The following ACLY variants were observed in gnomAD, a reference collection of about 807,000 sequenced individuals.
ACLY encodes the protein ATP-citrate synthase.
In ACLY, 41 loss-of-function variants were observed where a neutral mutation model predicts 133.0. The observed-to-expected ratio is 0.31, with a 90% CI of 0.24 to 0.40. The LOEUF is 0.40. ACLY is among the 10% of genes least tolerant of loss of function. ACLY has a pLI of 1.00. For synonymous variants in ACLY, 495 were observed against 549.3 expected (o/e 0.90, Z 1.38); for missense variants, 1,046 against 1,453.8 (o/e 0.72, Z 4.56).
chr17:41,868,880 G>C, intron 27 of ACLY, 95 bp from the exon 28 acceptor site: 1 of 1,409,776 alleles, frequency 7.1e-7, no homozygotes, highest in Non-Finnish European at 1.0e-6. Context: ...GAGAAGAAAA[G>C]GGGTGCTCTG....
At chr17:41,916,968 C>T (rs1235186880) in intron 1 of ACLY, among the ~76,000 whole-genome samples, 1 of 151,418 alleles carries the variant, frequency 6.6e-6, no homozygotes, top group African/African-American at 2.4e-5. Flanking sequence ...TATGGTGAAA[C>T]CCTGTTTCTA....
rs377627145 is a variant in ACLY, at chr17:41,872,797, G to A, written c.2643-615C>T. ...AACCCTGTCCCTTCACAGTGTAGGA[G>A]GCCCCATGCCTCATTCCTGTAGTAT... On this transcript the variant is annotated intron_variant, in intron 23 of 28. Coordinates refer to ENST00000352035, the MANE Select transcript of ACLY (RefSeq NM_001096.3). Among the ~76,000 whole-genome samples the A allele has an allele frequency of 2.6e-5, 4 of 152,290 alleles. No individual in the cohort carries two copies. In the East Asian group the frequency reaches 7.7e-4, roughly 29 times the overall value.
chr17:41,891,816 G>A (rs1420038378), intron 16 of ACLY, among the ~76,000 whole-genome samples: 2 of 152,106 alleles, frequency 1.3e-5, no homozygotes, highest in African/African-American at 2.4e-5. Flanking sequence ...TCCTGCCTCA[G>A]CTTCCTGAGT....
intron 27 of ACLY, 38 bp downstream of exon 27, chr17:41,869,005 A>C: frequency 6.4e-7 from 1 of 1,550,870 alleles, no homozygotes; most frequent in Non-Finnish European, 8.8e-7. Context: ...ACAAAAATCA[A>C]CAAACGTAAT....
intron 10 of ACLY, among the ~76,000 whole-genome samples, chr17:41,902,513 G>A (rs1431286506): frequency 1.3e-5 from 2 of 152,118 alleles, no homozygotes; most frequent in African/African-American, 2.4e-5. Flanking sequence ...CGCGCCCAGC[G>A]CGGTGTAAGA....
intron 3 of ACLY, 122 bp from the exon 4 acceptor site, chr17:41,910,406 ATTTTTCC>A: frequency 1.6e-5 from 13 of 796,556 alleles, no homozygotes; most frequent in Admixed American, 1.5e-4. Context: ...GCAAAGAGAG[ATTTTTCC>A]AGAAAAAATG....
intron 3 of ACLY, among the ~76,000 whole-genome samples, chr17:41,911,344 G>A (rs551328099): frequency 6.2e-4 from 95 of 152,264 alleles, no homozygotes; most frequent in African/African-American, 2.2e-3. Context: ...GGTGTGGATG[G>A]CACATTCTTC....
At position 41,871,955 on chromosome 17, in the gene ACLY, G is replaced by A. The variant is rs2048608969; in HGVS notation, c.2793+77C>T. On this transcript the variant is annotated intron_variant, in intron 24 of 28. Transcript: ENST00000352035. Reference sequence around the variant, plus strand: ...TTTTACACTCAGGGGCTCCTTCTAGGGCCCTGCTGTGGCAAAGCAGCATGA... The same window carrying A: ...TTTTACACTCAGGGGCTCCTTCTAGAGCCCTGCTGTGGCAAAGCAGCATGA... 2.5e-6 allele frequency: 4 copies of A among 1,597,680 alleles called. No individual in the cohort carries two copies. In the East Asian group the frequency reaches 6.7e-5, roughly 27 times the overall value.
chr17:41,918,966 C>G (rs1555634999), upstream of ACLY: 11 of 1,289,012 alleles, frequency 8.5e-6, no homozygotes, highest in African/African-American at 1.5e-5. Context: ...GGTAGCTTCC[C>G]GGGATCCGGC....
rs540291055 is a variant in ACLY at position 41,869,637 on chromosome 17, GTGTT to G, written c.2938-54_2938-51del. 130 of 1,486,748 alleles carry G rather than the reference GTGTT, an allele frequency of 8.7e-5. 1 individual carries two copies. The African/African-American group carries it at 1.4e-3, about 16-fold the overall frequency. The allele number at this position is 1,486,748 out of a possible 1,614,324, so 92.1% of individuals were successfully genotyped here. A position where few individuals can be genotyped will look rare whatever the true frequency, so the allele number is the denominator to read the frequency against. On this transcript the variant is annotated intron_variant, in intron 25 of 28. Transcript: ENST00000352035. Reference sequence around the variant, plus strand: ...AGGAACACTCACACACTGCTGGGATGTGTTTGTTCATACTTGTGTTACAGGTAGG... The same window carrying G: ...AGGAACACTCACACACTGCTGGGATGTGTTCATACTTGTGTTACAGGTAGG...
chr17:41,894,030 G>A (rs1555629893), intron 14 of ACLY, among the ~76,000 whole-genome samples: 1 of 151,942 alleles, frequency 6.6e-6, no homozygotes, highest in African/African-American at 2.4e-5. Context: ...CCTGGCCAAC[G>A]CGGTGAAACG....
At chr17:41,876,227 C>T (rs868984046) in intron 22 of ACLY, among the ~76,000 whole-genome samples, 47 of 151,920 alleles carry the variant, frequency 3.1e-4, no homozygotes, top group South Asian at 1.9e-3. Context: ...GCAGCCACCC[C>T]GTCCGGGAGG....
rs563156649 is a variant in ACLY, at chr17:41,891,220, G to A, written c.1770+1059C>T. Among the ~76,000 whole-genome samples the A allele has an allele frequency of 3.3e-5, 5 of 152,054 alleles. No homozygotes were observed. The South Asian group carries it at 1.0e-3, about 32-fold the overall frequency. On this transcript the variant is annotated intron_variant, in intron 16 of 28. Coordinates refer to ENST00000352035, the MANE Select transcript of ACLY (RefSeq NM_001096.3). ...CTAATCCTTTTTTAAGTACAGACAA[G>A]GTCTTGCTGTGTTGTTCAAGTTGGT...
intron 10 of ACLY, chr17:41,904,355 AGGAAG>A (rs72114022): frequency 0.85 from 123,527 of 144,966 alleles, 53,292 homozygotes; most frequent in East Asian, 0.98. Context: ...GAAGGGAAGA[AGGAAG>A]GGAAGGGAAG....
chr17:41,923,712 T>A (rs546800706), upstream of ACLY, among the ~76,000 whole-genome samples: 208 of 152,284 alleles, frequency 1.4e-3, no homozygotes, highest in Non-Finnish European at 2.3e-3. Flanking sequence ...AATATGTGAA[T>A]GAAAGAAAGC....
At chr17:41,902,606 T>TTG (rs1311883301) in intron 10 of ACLY, among the ~76,000 whole-genome samples, 1 of 152,240 alleles carries the variant, frequency 6.6e-6, no homozygotes, top group Non-Finnish European at 1.5e-5. Context: ...AGACAGAGGC[T>TTG]AGATTTTTGA....
Position 41,867,221 on chromosome 17 carries a change from T to G in ACLY, c.*589A>C, listed in dbSNP as rs2048490270. 6.6e-6 allele frequency: 1 copy of G among 152,624 alleles called. No homozygotes were observed. Among genetic ancestry groups the G allele is most frequent in the African/African-American group, 2.4e-5 (1 of 41,450 alleles). 9.5% of individuals were successfully genotyped at this position (152,624 alleles called of 1,614,324 possible). The stretch of plus-strand genomic sequence containing the variant: ...TAAGGATGCAATGGCCCCATCCCCC[T>G]GACATAAACAGACTCTGGTCTGCAA... On this transcript the variant is annotated 3_prime_UTR_variant, in exon 29 of 29. Coordinates refer to ENST00000352035, the MANE Select transcript of ACLY (RefSeq NM_001096.3).
At chr17:41,919,151 C>T (rs899067966), upstream of ACLY, 1 of 1,043,274 alleles carries the variant, frequency 9.6e-7, no homozygotes, top group Admixed American at 4.1e-5. Flanking sequence ...CTTGTAGTCC[C>T]GCTGGCCCAT....
intron 21 of ACLY, among the ~76,000 whole-genome samples, chr17:41,878,593 T>C (rs561409529): frequency 3.3e-5 from 5 of 152,258 alleles, no homozygotes; most frequent in Admixed American, 2.6e-4. Context: ...CACATTTTAA[T>C]ACCAGCCTAG....
Sources: gnomAD v4.1 joint callset for allele counts (sites outside exome capture counted in the v4.1 genomes callset) on GRCh38, gnomAD v4.1.1 for gene constraint, MANE v1.5 for transcripts, NCBI Gene and HGNC (gene_info 2026-07-23, HGNC 2026-07-21) for gene names.